Variants in NCALD observed in about 807,000 individuals in gnomAD.
NCALD encodes neurocalcin delta.
A neutral mutation model predicts 18.6 loss-of-function variants in NCALD; 10 were observed. The ratio of observed to expected loss-of-function variants is 0.54; its 90% CI spans 0.33 to 0.91. NCALD has a LOEUF of 0.91. NCALD is among the 40% of genes least tolerant of loss of function. The pLI, the probability that NCALD is intolerant of heterozygous loss-of-function variation, is 0.03. For synonymous variants in NCALD, 88 were observed against 87.4 expected (o/e 1.01, Z -0.04); for missense variants, 184 against 247.6 (o/e 0.74, Z 1.72).
chr8:101,855,310 C>T (rs1012465250), intron 4 of NCALD, among the ~76,000 whole-genome samples: 2 of 152,246 alleles, frequency 1.3e-5, no homozygotes, highest in South Asian at 2.1e-4. Flanking sequence ...ATATTTGTCA[C>T]TTCTAGGCCA....
chr8:102,034,231 T>A (rs1342510623), intron 1 of NCALD, among the ~76,000 whole-genome samples: 1 of 152,208 alleles, frequency 6.6e-6, no homozygotes, highest in African/African-American at 2.4e-5. Flanking sequence ...TTTAGTCTTT[T>A]AAGTTACATG....
rs142143486 is a variant in NCALD, at chr8:101,764,691, T to C, written c.-20+26171A>G. Among the ~76,000 whole-genome samples, 846 of 152,340 alleles carry C rather than the reference T, an allele frequency of 5.6e-3. 11 individuals carry two copies. Among genetic ancestry groups the C allele is most frequent in the African/African-American group, 0.018 (743 of 41,580 alleles). Reference sequence around the variant, plus strand: ...GGGAGCACTACCAGCATGCTAATAATGTCATTAGCTGCCATTTATGGAGCA... The same window carrying C: ...GGGAGCACTACCAGCATGCTAATAACGTCATTAGCTGCCATTTATGGAGCA... On this transcript the variant is annotated intron_variant, in intron 1 of 3. Coordinates refer to ENST00000220931, the MANE Select transcript of NCALD (RefSeq NM_032041.3).
chr8:101,879,701 G>A (rs1166878203), intron 4 of NCALD, among the ~76,000 whole-genome samples: 11 of 152,134 alleles, frequency 7.2e-5, no homozygotes, highest in African/African-American at 2.4e-4. Context: ...TCATTGGTCC[G>A]TTTTGACAGG....
chr8:102,081,562 A>C (rs1384029920), intron 1 of NCALD, among the ~76,000 whole-genome samples: 2 of 143,210 alleles, frequency 1.4e-5, no homozygotes, highest in South Asian at 2.1e-4. Context: ...AAAAAAAAAA[A>C]AAAAAAAAAA....
At chr8:101,982,103 A>G (rs1028838502) in intron 2 of NCALD, among the ~76,000 whole-genome samples, 4 of 152,156 alleles carry the variant, frequency 2.6e-5, no homozygotes, top group Non-Finnish European at 1.5e-5. Flanking sequence ...GTCCACCATC[A>G]TTGTAAGCTT....
intron 2 of NCALD, among the ~76,000 whole-genome samples, chr8:101,916,345 G>A (rs1279459920): frequency 6.6e-6 from 1 of 152,100 alleles, no homozygotes; most frequent in African/African-American, 2.4e-5. Flanking sequence ...ATTACCACTA[G>A]ACCAGCCTTA....
chr8:101,794,361 GTTCCT>G (rs1272390900), upstream of NCALD, among the ~76,000 whole-genome samples: 1 of 152,040 alleles, frequency 6.6e-6, no homozygotes, highest in African/African-American at 2.4e-5. Flanking sequence ...GAAAGAAATG[GTTCCT>G]TTTTCTTCCT....
intron 4 of NCALD, among the ~76,000 whole-genome samples, chr8:101,845,396 T>C (rs1238881068): frequency 1.3e-5 from 2 of 152,188 alleles, no homozygotes; most frequent in Non-Finnish European, 2.9e-5. Flanking sequence ...TTATACTTAA[T>C]TGTACTGAGT....
chr8:101,810,952 T>A (rs966701795), intron 4 of NCALD, among the ~76,000 whole-genome samples: 1 of 152,150 alleles, frequency 6.6e-6, no homozygotes, highest in Non-Finnish European at 1.5e-5. Context: ...GGGAATATTT[T>A]AAAAAATCAA....
intron 1 of NCALD, among the ~76,000 whole-genome samples, chr8:101,777,214 G>T (rs144927507): frequency 1.3e-5 from 2 of 152,270 alleles, no homozygotes; most frequent in East Asian, 1.9e-4. Context: ...CATTCATTCA[G>T]TCCCTGAGTT....
intron 1 of NCALD, among the ~76,000 whole-genome samples, chr8:101,725,010 G>A (rs1439668069): frequency 5.3e-5 from 8 of 152,324 alleles, no homozygotes; most frequent in South Asian, 2.1e-4. Flanking sequence ...TAGGCACTGC[G>A]GAATTCAGCA....
intron 2 of NCALD, among the ~76,000 whole-genome samples, chr8:101,983,208 G>A (rs977836919): frequency 2.0e-5 from 3 of 152,142 alleles, no homozygotes; most frequent in African/African-American, 7.2e-5. Flanking sequence ...GGTAGTGAGG[G>A]CTGCTGTCAC....
At position 102,049,752 on chromosome 8, in the gene NCALD, C is replaced by T. The variant is rs377219181; in HGVS notation, c.-209-29463G>A. The stretch of plus-strand genomic sequence containing the variant: ...GTAGATGTGCAGTGGTATCTCATTG[C>T]TGTTTTAATCTACAGTCCCTAATGA... On this transcript the variant is annotated intron_variant, in intron 1 of 6. Coordinates refer to the NCALD transcript ENST00000311028. 1.5e-4 allele frequency among the ~76,000 whole-genome samples: 23 copies of T among 152,296 alleles called. No homozygotes were observed. In the East Asian group the frequency reaches 2.1e-3, roughly 14 times the overall value.
intron 2 of NCALD, among the ~76,000 whole-genome samples, chr8:101,697,729 C>A (rs1485267999): frequency 6.6e-6 from 1 of 151,934 alleles, no homozygotes; most frequent in Non-Finnish European, 1.5e-5. Flanking sequence ...TCAGAAAAGG[C>A]CTTTGATAAA....
At chr8:101,865,404 A>G (rs903197585) in intron 4 of NCALD, among the ~76,000 whole-genome samples, 1 of 152,170 alleles carries the variant, frequency 6.6e-6, no homozygotes, top group African/African-American at 2.4e-5. Flanking sequence ...CTAGGGGAGA[A>G]GGAGTGTTTT....
At chr8:101,744,185 A>G (rs1176925196) in intron 1 of NCALD, among the ~76,000 whole-genome samples, 2 of 152,068 alleles carry the variant, frequency 1.3e-5, no homozygotes, top group African/African-American at 4.8e-5. Context: ...ATCCTCCCCA[A>G]AGACTCCAGT....
chr8:101,805,039 G>T (rs934885613), intron 4 of NCALD, among the ~76,000 whole-genome samples: 3 of 152,072 alleles, frequency 2.0e-5, no homozygotes, highest in African/African-American at 7.2e-5. Flanking sequence ...ACTTTGAAAA[G>T]CTCCATGGAC....
Position 102,032,732 on chromosome 8 carries a change from C to T in NCALD, c.-209-12443G>A, listed in dbSNP as rs1042516822. On this transcript the variant is annotated intron_variant, in intron 1 of 6. Coordinates refer to the NCALD transcript ENST00000311028. ...TCTCATGTGCATGCTCACAAAAGGA[C>T]GTCCACTGCAGAGAAGGCTGTCAAT... 5.0e-4 allele frequency among the ~76,000 whole-genome samples: 75 copies of T among 151,158 alleles called. 1 individual carries two copies. Among genetic ancestry groups the T allele is most frequent in the African/African-American group, 1.6e-3 (66 of 41,086 alleles).
chr8:101,774,416 T>C (rs1334950718), intron 1 of NCALD, among the ~76,000 whole-genome samples: 1 of 152,184 alleles, frequency 6.6e-6, no homozygotes, highest in Admixed American at 6.5e-5. Context: ...GCATAGTTCA[T>C]TAATTTATTA....
Sources: gnomAD v4.1 joint callset for allele counts (sites outside exome capture counted in the v4.1 genomes callset) on GRCh38, gnomAD v4.1.1 for gene constraint, MANE v1.5 for transcripts, NCBI Gene and HGNC (gene_info 2026-07-23, HGNC 2026-07-21) for gene names.